The following SLX4IP variants were observed in gnomAD, a reference collection of about 807,000 sequenced individuals.
SLX4IP encodes SLX4 interacting protein.
SLX4IP carries 34 observed loss-of-function variants against 32.9 expected under a neutral mutation model. That is an observed-to-expected ratio of 1.03 (90% CI 0.79 to 1.38). SLX4IP has a LOEUF of 1.38. SLX4IP is among the 40% of genes most tolerant of loss of function. The pLI is 0.00. For missense variants in SLX4IP, 444 were observed against 479.0 expected, an observed-to-expected ratio of 0.93 and a Z score of 0.68; for synonymous variants, 172 against 171.7, an observed-to-expected ratio of 1.00 and a Z score of -0.01.
intron 4 of SLX4IP, among the ~76,000 whole-genome samples, chr20:10,569,329 G>C (rs1174420215): frequency 3.3e-5 from 5 of 152,098 alleles, no homozygotes; most frequent in Non-Finnish European, 7.4e-5. Context: ...GGGATTACAG[G>C]TGCGTGCCAC....
chr20:10,515,079 CTTT>C (rs35576843), intron 2 of SLX4IP, among the ~76,000 whole-genome samples: 2 of 82,888 alleles, frequency 2.4e-5, no homozygotes, highest in South Asian at 5.3e-4. Flanking sequence ...TAAGTTGAAG[CTTT>C]TTTTTTTTTT....
intron 6 of SLX4IP, among the ~76,000 whole-genome samples, chr20:10,608,431 C>T (rs1033675224): frequency 3.3e-5 from 5 of 151,814 alleles, no homozygotes; most frequent in Non-Finnish European, 5.9e-5. Flanking sequence ...TTTGGGAGGC[C>T]GAGGCGGGCG....
chr20:10,543,676 C>T (rs1415185937), intron 2 of SLX4IP, among the ~76,000 whole-genome samples: 1 of 152,154 alleles, frequency 6.6e-6, no homozygotes, highest in African/African-American at 2.4e-5. Flanking sequence ...GTGAAAGAAC[C>T]ACTTTGTTAG....
intron 2 of SLX4IP, among the ~76,000 whole-genome samples, chr20:10,518,490 TTTCCTTCC>T (rs201990578): frequency 0.33 from 21,251 of 65,026 alleles, 3,035 homozygotes; most frequent in Non-Finnish European, 0.37. Flanking sequence ...TTCCTTTCCT[TTTCCTTCC>T]TTCCTTCCTT....
chr20:10,471,316 C>T (rs2065423129), intron 2 of SLX4IP, among the ~76,000 whole-genome samples: 1 of 152,206 alleles, frequency 6.6e-6, no homozygotes, highest in African/African-American at 2.4e-5. Flanking sequence ...ACTATAGACA[C>T]AGATGAGGCT....
At chr20:10,496,579 T>C (rs2065669616) in intron 2 of SLX4IP, among the ~76,000 whole-genome samples, 1 of 152,172 alleles carries the variant, frequency 6.6e-6, no homozygotes, top group African/African-American at 2.4e-5. Flanking sequence ...TTCCTCATTC[T>C]TATAGCTTTA....
Position 10,627,907 on chromosome 20 carries a change from T to C in SLX4IP, c.*4528T>C, listed in dbSNP as rs1397206872. ...CCCCAGGAGAGCTCTTTTTCCCTTA[T>C]CTTCTCATTTGTTTTGTTATAAACT... On this transcript the variant is annotated 3_prime_UTR_variant, in exon 8 of 8. Coordinates refer to ENST00000334534, the MANE Select transcript of SLX4IP (RefSeq NM_001009608.3). The C allele has an allele frequency of 1.3e-5, 2 of 152,266 alleles. No individual in the cohort carries two copies. The highest frequency in any genetic ancestry group is 2.9e-5 in the Non-Finnish European group (2 of 68,042). The allele number at this position is 152,266 out of a possible 1,614,324, so 9.4% of individuals were successfully genotyped here.
chr20:10,569,287 G>A (rs762901736), intron 4 of SLX4IP, among the ~76,000 whole-genome samples: 28 of 151,334 alleles, frequency 1.9e-4, no homozygotes, highest in Non-Finnish European at 3.4e-4. Flanking sequence ...CCAGGTTCAA[G>A]CGATTCTCCT....
chr20:10,486,334 A>G (rs6039984), intron 2 of SLX4IP, among the ~76,000 whole-genome samples: 18,672 of 143,508 alleles, frequency 0.13, 1,386 homozygotes, highest in Non-Finnish European at 0.18. Context: ...AGATGAAGAC[A>G]TTACCATGCA....
chr20:10,505,109 A>T (rs186508817), intron 2 of SLX4IP, among the ~76,000 whole-genome samples: 331 of 152,324 alleles, frequency 2.2e-3, no homozygotes, highest in Non-Finnish European at 3.7e-3. Flanking sequence ...GTTTAGACAC[A>T]CTGTACTGAG....
intron 2 of SLX4IP, among the ~76,000 whole-genome samples, chr20:10,521,707 C>T (rs1026114395): frequency 2.0e-5 from 3 of 152,144 alleles, no homozygotes; most frequent in African/African-American, 7.2e-5. Context: ...GTGCTACATC[C>T]CCAAATATGC....
chr20:10,470,167 C>T (rs769321338), intron 2 of SLX4IP, among the ~76,000 whole-genome samples: 21 of 152,160 alleles, frequency 1.4e-4, no homozygotes, highest in Non-Finnish European at 2.2e-4. Flanking sequence ...GGAAAGAAAT[C>T]CTTGAAGTCA....
At chr20:10,458,296 G>T in intron 2 of SLX4IP, 65 bp downstream of exon 2, 1 of 1,434,162 alleles carries the variant, frequency 7.0e-7, no homozygotes. Context: ...TGAGCTCTGT[G>T]TTAATTGAAA....
intron 6 of SLX4IP, among the ~76,000 whole-genome samples, chr20:10,612,413 A>G (rs773584581): frequency 6.6e-6 from 1 of 152,088 alleles, no homozygotes; most frequent in Admixed American, 6.5e-5. Flanking sequence ...GATTCGATCA[A>G]CTCTGGGTGT....
intron 1 of SLX4IP, among the ~76,000 whole-genome samples, chr20:10,436,976 C>T (rs568109414): frequency 6.6e-6 from 1 of 151,386 alleles, no homozygotes; most frequent in African/African-American, 2.4e-5. Flanking sequence ...ATCTTGTATG[C>T]ATATTTGTAC....
chr20:10,591,690 T>C (rs750127090), intron 4 of SLX4IP, among the ~76,000 whole-genome samples: 3 of 152,264 alleles, frequency 2.0e-5, no homozygotes, highest in African/African-American at 7.2e-5. Context: ...GGCAGAGTTA[T>C]GATTGTGGGA....
chr20:10,567,629 C>T (rs987033692), intron 4 of SLX4IP, among the ~76,000 whole-genome samples: 1 of 152,208 alleles, frequency 6.6e-6, no homozygotes, highest in Non-Finnish European at 1.5e-5. Context: ...AGACAGGGCT[C>T]TTTGGAGAAC....
At chr20:10,610,595 C>T (rs1286735989) in intron 6 of SLX4IP, among the ~76,000 whole-genome samples, 2 of 152,230 alleles carry the variant, frequency 1.3e-5, no homozygotes, top group East Asian at 1.9e-4. Context: ...GCATGTCTCA[C>T]GTGGACTCAC....
chr20:10,479,856 T>C (rs1488456079), intron 2 of SLX4IP, among the ~76,000 whole-genome samples: 1 of 151,028 alleles, frequency 6.6e-6, no homozygotes, highest in Non-Finnish European at 1.5e-5. Flanking sequence ...ACACAAAAAT[T>C]AGCTGGGCGT....
Sources: gnomAD v4.1 joint callset for allele counts (sites outside exome capture counted in the v4.1 genomes callset) on GRCh38, gnomAD v4.1.1 for gene constraint, MANE v1.5 for transcripts, NCBI Gene and HGNC (gene_info 2026-07-23, HGNC 2026-07-21) for gene names.